Variants in XIRP2 observed in about 807,000 individuals in gnomAD.
XIRP2 encodes xin actin binding repeat containing 2.
XIRP2 carries 236 observed loss-of-function variants against 277.0 expected under a neutral mutation model. The observed-to-expected ratio is 0.85, with a 90% CI of 0.77 to 0.95. The LOEUF is 0.95. Ranked by LOEUF, XIRP2 falls within the 40% of genes least tolerant of loss-of-function variation. The pLI is 0.00. For synonymous variants in XIRP2, 1,490 were observed against 1,416.5 expected (o/e 1.05, Z -1.17); for missense variants, 4,640 against 4,157.5 (o/e 1.12, Z -3.19).
intron 3 of XIRP2, among the ~76,000 whole-genome samples, chr2:167,137,112 G>A (rs1691579172): frequency 6.6e-6 from 1 of 152,152 alleles, no homozygotes; most frequent in African/African-American, 2.4e-5. Flanking sequence ...AGAACAGACT[G>A]GTCTTCAGGG....
intron 9 of XIRP2, among the ~76,000 whole-genome samples, chr2:167,252,387 A>G (rs1695539699): frequency 6.6e-6 from 1 of 151,984 alleles, no homozygotes; most frequent in African/African-American, 2.4e-5. Context: ...GACACAATTT[A>G]CATTCTTCAT....
chr2:167,008,980 A>C (rs989249527), intron 2 of XIRP2, among the ~76,000 whole-genome samples: 1 of 151,440 alleles, frequency 6.6e-6, no homozygotes, highest in Non-Finnish European at 1.5e-5. Context: ...ATATTTTTCA[A>C]TATAAATATT....
chr2:166,928,022 A>T (rs1685235734), intron 2 of XIRP2, among the ~76,000 whole-genome samples: 1 of 151,960 alleles, frequency 6.6e-6, no homozygotes, highest in African/African-American at 2.4e-5. Flanking sequence ...AAATATGTAA[A>T]TTTTTTTTCT....
At position 167,250,706 on chromosome 2, in the gene XIRP2, A is replaced by ATGATAGCAACATTCCTCC; in HGVS notation, c.9316_9333dup (p.Asp3106_Pro3111dup). Reference sequence around the variant, plus strand: ...AAAACCCATCAGGAAATTAAACTTGATGATAGCAACATTCCTCCTCCCTCT... The same window carrying ATGATAGCAACATTCCTCC: ...AAAACCCATCAGGAAATTAAACTTGATGATAGCAACATTCCTCCTGATAGCAACATTCCTCCTCCCTCT... On this transcript the variant is annotated inframe_insertion, in exon 9 of 11. Transcript: ENST00000409195. 1 of 1,613,664 alleles carries ATGATAGCAACATTCCTCC rather than the reference A, an allele frequency of 6.2e-7. No individual in the cohort carries two copies. The highest frequency in any genetic ancestry group is 8.5e-7 in the Non-Finnish European group (1 of 1,179,758).
At chr2:167,175,612 G>T (rs1692819086) in intron 3 of XIRP2, among the ~76,000 whole-genome samples, 2 of 152,150 alleles carry the variant, frequency 1.3e-5, no homozygotes, top group East Asian at 3.9e-4. Context: ...GAGGCAGGCG[G>T]TTCAGGGAAC....
At chr2:167,146,955 A>G (rs1161357622) in intron 3 of XIRP2, among the ~76,000 whole-genome samples, 1 of 152,180 alleles carries the variant, frequency 6.6e-6, no homozygotes, top group Non-Finnish European at 1.5e-5. Flanking sequence ...GGAAGTGTGA[A>G]GCTATATTTT....
chr2:166,934,837 T>C (rs1002428544), intron 2 of XIRP2, among the ~76,000 whole-genome samples: 13 of 149,794 alleles, frequency 8.7e-5, no homozygotes, highest in African/African-American at 3.2e-4. Flanking sequence ...AGAAGCACTG[T>C]CTCTACTAAA....
At chr2:166,915,369 G>T (rs1442671317) in intron 2 of XIRP2, among the ~76,000 whole-genome samples, 4 of 151,692 alleles carry the variant, frequency 2.6e-5, no homozygotes, top group African/African-American at 4.8e-5. Context: ...AAAGCATGTG[G>T]GATACACTTG....
chr2:166,917,748 G>C (rs927393907), intron 2 of XIRP2, among the ~76,000 whole-genome samples: 2 of 152,092 alleles, frequency 1.3e-5, no homozygotes, highest in Non-Finnish European at 2.9e-5. Flanking sequence ...ACTAGTGAGG[G>C]TTTTTGCCCT....
chr2:167,227,301 T>C (rs1694632105), intron 5 of XIRP2, among the ~76,000 whole-genome samples: 2 of 152,084 alleles, frequency 1.3e-5, no homozygotes, highest in Admixed American at 6.6e-5. Context: ...ATAATAAATA[T>C]TAGCCAAGCA....
chr2:167,210,899 A>T lies in XIRP2; in HGVS notation c.723+4A>T, dbSNP rs1207844726. 1 of 1,613,876 alleles carries T rather than the reference A, an allele frequency of 6.2e-7. No individual in the cohort carries two copies. The highest frequency in any genetic ancestry group is 8.5e-7 in the Non-Finnish European group (1 of 1,179,886). On this transcript the variant is annotated splice_donor_region_variant and intron_variant, in intron 4 of 10. Coordinates refer to ENST00000409195, the MANE Select transcript of XIRP2 (RefSeq NM_152381.6). Reference sequence around the variant, plus strand: ...CTGCCGCAGCTTCTCTGCTAATGTAAGCTGCTCCTAATGGTTTTGCACTAG... The same window carrying T: ...CTGCCGCAGCTTCTCTGCTAATGTATGCTGCTCCTAATGGTTTTGCACTAG...
At chr2:166,893,002 ACACAC>A (rs1684147058) in intron 1 of XIRP2, among the ~76,000 whole-genome samples, 1 of 151,248 alleles carries the variant, frequency 6.6e-6, no homozygotes, top group African/African-American at 2.4e-5. Flanking sequence ...ACACACACAC[ACACAC>A]AACACCACCA....
intron 4 of XIRP2, among the ~76,000 whole-genome samples, chr2:167,217,172 T>C (rs1345127224): frequency 2.7e-5 from 4 of 147,942 alleles, no homozygotes; most frequent in African/African-American, 1.0e-4. Flanking sequence ...TTGGGAGATA[T>C]ACCTAATGCT....
At chr2:167,029,689 A>C (rs1688277865) in intron 2 of XIRP2, among the ~76,000 whole-genome samples, 1 of 152,068 alleles carries the variant, frequency 6.6e-6, no homozygotes. Flanking sequence ...TGTCTCTACC[A>C]GGTTTTGGTA....
At chr2:166,901,503 G>T (rs1283629562) in intron 1 of XIRP2, among the ~76,000 whole-genome samples, 3 of 151,962 alleles carry the variant, frequency 2.0e-5, no homozygotes, top group Non-Finnish European at 2.9e-5. Flanking sequence ...GGAGAAAATG[G>T]CTTTCCTCCT....
intron 2 of XIRP2, among the ~76,000 whole-genome samples, chr2:166,940,223 T>G (rs1348647652): frequency 6.6e-6 from 1 of 152,212 alleles, no homozygotes; most frequent in African/African-American, 2.4e-5. Flanking sequence ...TACCCTTTCT[T>G]CCAGTTGATC....
At chr2:167,214,758 G>A (rs1056197251) in intron 4 of XIRP2, among the ~76,000 whole-genome samples, 7 of 151,924 alleles carry the variant, frequency 4.6e-5, no homozygotes, top group Non-Finnish European at 1.0e-4. Flanking sequence ...TAGTAGAGAC[G>A]GGGTTTCCCC....
At chr2:167,110,923 TC>T (rs1298159768) in intron 2 of XIRP2, among the ~76,000 whole-genome samples, 1 of 152,136 alleles carries the variant, frequency 6.6e-6, no homozygotes, top group Admixed American at 6.6e-5. Context: ...ATTTTCTTCT[TC>T]TTGTGGCAAC....
At chr2:167,207,377 AC>A (rs911129007) in intron 3 of XIRP2, among the ~76,000 whole-genome samples, 65 of 152,302 alleles carry the variant, frequency 4.3e-4, no homozygotes, top group South Asian at 1.5e-3. Flanking sequence ...TATTACATTG[AC>A]TATTCCTCAC....
Sources: gnomAD v4.1 joint callset for allele counts (sites outside exome capture counted in the v4.1 genomes callset) on GRCh38, gnomAD v4.1.1 for gene constraint, MANE v1.5 for transcripts, NCBI Gene and HGNC (gene_info 2026-07-23, HGNC 2026-07-21) for gene names.